Variants in PDE4D observed in about 807,000 individuals in gnomAD.
PDE4D encodes the protein 3',5'-cyclic-AMP phosphodiesterase 4D.
Under a neutral mutation model 87.4 loss-of-function variants are expected in PDE4D, and 24 were observed. The observed-to-expected ratio is 0.27, with a 90% CI of 0.20 to 0.39. PDE4D has a LOEUF of 0.39. Among genes scored for constraint, PDE4D ranks in the 10% least tolerant of loss-of-function variants. PDE4D has a pLI of 1.00. For synonymous variants in PDE4D, 384 were observed against 383.2 expected (o/e 1.00, Z -0.02); for missense variants, 714 against 1,041.0 (o/e 0.69, Z 4.32).
chr5:59,772,299 G>T (rs1036262947), intron 1 of PDE4D, among the ~76,000 whole-genome samples: 3 of 152,158 alleles, frequency 2.0e-5, no homozygotes, highest in Non-Finnish European at 4.4e-5. Flanking sequence ...AAAATTAGCT[G>T]CCAGGAACTT....
intron 1 of PDE4D, among the ~76,000 whole-genome samples, chr5:60,189,494 A>G (rs1785041325): frequency 6.6e-6 from 1 of 152,160 alleles, no homozygotes; most frequent in South Asian, 2.1e-4. Context: ...GATTAATCAG[A>G]TAATATCTCA....
At chr5:59,803,306 C>CTTTT (rs71606604) in intron 1 of PDE4D, among the ~76,000 whole-genome samples, 2 of 130,450 alleles carry the variant, frequency 1.5e-5, no homozygotes, top group Non-Finnish European at 3.2e-5. Context: ...CTAGAAACTC[C>CTTTT]TTTTTTTTTT....
chr5:59,768,553 G>T (rs778029886), intron 1 of PDE4D: 33 of 1,591,356 alleles, frequency 2.1e-5, no homozygotes, highest in Non-Finnish European at 2.7e-5. Context: ...CCAGGGCAAC[G>T]TGGTTCCCTC....
At chr5:59,082,683 TTGA>T in intron 5 of PDE4D, among the ~76,000 whole-genome samples, 2 of 152,250 alleles carry the variant, frequency 1.3e-5, no homozygotes, top group Admixed American at 1.3e-4. Context: ...TTTTAAAAAC[TTGA>T]AGAATATATC....
intron 1 of PDE4D, among the ~76,000 whole-genome samples, chr5:60,351,885 AG>A (rs201434185): frequency 0.015 from 2,279 of 151,474 alleles, 53 homozygotes; most frequent in African/African-American, 0.052. Context: ...AGCTCACTAC[AG>A]CCTTGAACTC....
intron 6 of PDE4D, among the ~76,000 whole-genome samples, chr5:59,022,486 C>G (rs1426914442): frequency 6.6e-6 from 1 of 152,186 alleles, no homozygotes; most frequent in African/African-American, 2.4e-5. Flanking sequence ...TCTTAACAGG[C>G]TAATTTTAAA....
intron 1 of PDE4D, among the ~76,000 whole-genome samples, chr5:59,657,928 C>G (rs565084821): frequency 6.6e-6 from 1 of 152,252 alleles, no homozygotes; most frequent in East Asian, 1.9e-4. Flanking sequence ...TGCAAATTAA[C>G]ACAACTCTTA....
intron 1 of PDE4D, among the ~76,000 whole-genome samples, chr5:59,776,027 T>A (rs1046118925): frequency 2.6e-5 from 4 of 152,202 alleles, no homozygotes; most frequent in Admixed American, 2.0e-4. Context: ...ATTCATAGAT[T>A]TTAATTATAG....
At chr5:60,116,688 G>C (rs1778201322) in intron 2 of PDE4D, among the ~76,000 whole-genome samples, 2 of 151,856 alleles carry the variant, frequency 1.3e-5, no homozygotes, top group South Asian at 4.1e-4. Flanking sequence ...AAAAATCAAA[G>C]ATCTTAAAGA....
chr5:59,271,384 G>C (rs1221136734), intron 1 of PDE4D, among the ~76,000 whole-genome samples: 1 of 152,112 alleles, frequency 6.6e-6, no homozygotes, highest in African/African-American at 2.4e-5. Flanking sequence ...GCAGAGTACA[G>C]AAATAGTATT....
At chr5:59,187,056 A>G (rs1743086892) in intron 3 of PDE4D, among the ~76,000 whole-genome samples, 1 of 152,144 alleles carries the variant, frequency 6.6e-6, no homozygotes, top group Admixed American at 6.6e-5. Flanking sequence ...TTAACCCTAG[A>G]ATTCTGAGAT....
At chr5:59,552,811 C>A (rs983549328) in intron 1 of PDE4D, among the ~76,000 whole-genome samples, 4 of 152,110 alleles carry the variant, frequency 2.6e-5, no homozygotes, top group Non-Finnish European at 5.9e-5. Flanking sequence ...AATCTTTTAA[C>A]AAAATGCAAG....
At chr5:59,419,971 C>T (rs1794216212) in intron 1 of PDE4D, among the ~76,000 whole-genome samples, 1 of 152,176 alleles carries the variant, frequency 6.6e-6, no homozygotes, top group Non-Finnish European at 1.5e-5. Context: ...TCTCCTACCT[C>T]AATCACACTT....
chr5:59,025,259 C>G (rs1466621158), intron 6 of PDE4D, among the ~76,000 whole-genome samples: 1 of 152,070 alleles, frequency 6.6e-6, no homozygotes, highest in African/African-American at 2.4e-5. Context: ...ATTCTTGCTA[C>G]AAAGCCTATC....
intron 1 of PDE4D, among the ~76,000 whole-genome samples, chr5:59,452,889 C>T (rs1259087848): frequency 6.6e-6 from 1 of 151,362 alleles, no homozygotes; most frequent in East Asian, 1.9e-4. Flanking sequence ...TTTTAAATAG[C>T]AAAGTGACTG....
At chr5:59,348,140 C>A (rs1779904133) in intron 1 of PDE4D, among the ~76,000 whole-genome samples, 1 of 151,660 alleles carries the variant, frequency 6.6e-6, no homozygotes. Flanking sequence ...TGTTAATACC[C>A]AACAGTTATT....
At chr5:60,034,579 G>C (rs1470006203) in intron 2 of PDE4D, among the ~76,000 whole-genome samples, 2 of 152,066 alleles carry the variant, frequency 1.3e-5, no homozygotes, top group Non-Finnish European at 2.9e-5. Flanking sequence ...CCCATCTCAA[G>C]ATCCTTAAAT....
At chr5:59,947,105 C>T (rs1019285989) in intron 3 of PDE4D, among the ~76,000 whole-genome samples, 3 of 152,160 alleles carry the variant, frequency 2.0e-5, no homozygotes, top group Non-Finnish European at 4.4e-5. Flanking sequence ...AAGCTGGAAA[C>T]CAAGAATTCC....
chr5:60,507,772 A>G (rs1414306220), intron 1 of PDE4D, among the ~76,000 whole-genome samples: 1 of 152,194 alleles, frequency 6.6e-6, no homozygotes, highest in African/African-American at 2.4e-5. Context: ...AAGTTCTTAG[A>G]CTTTTTGGAA....
Sources: allele counts gnomAD v4.1 joint callset (sites outside exome capture counted in the v4.1 genomes callset), GRCh38; gene constraint gnomAD v4.1.1; transcripts MANE v1.5; gene names NCBI Gene and HGNC (gene_info 2026-07-23, HGNC 2026-07-21).